Variants in MACROD2 observed in about 807,000 individuals in gnomAD.
The protein encoded by MACROD2 is mono-ADP ribosylhydrolase 2.
Under a neutral mutation model 70.4 loss-of-function variants are expected in MACROD2, and 36 were observed. The observed-to-expected ratio is 0.51, with a 90% CI of 0.39 to 0.68. The LOEUF is 0.68. Ranked by LOEUF, MACROD2 falls within the 30% of genes least tolerant of loss-of-function variation. The probability of loss-of-function intolerance (pLI) is 0.00; values close to 1 mark genes in which losing one functional copy is unlikely to be tolerated. For missense variants in MACROD2, 496 were observed against 538.4 expected, an observed-to-expected ratio of 0.92 and a Z score of 0.78; for synonymous variants, 172 against 178.8, an observed-to-expected ratio of 0.96 and a Z score of 0.30.
intron 8 of MACROD2, among the ~76,000 whole-genome samples, chr20:15,719,321 G>T (rs560588470): frequency 2.0e-5 from 3 of 152,182 alleles, no homozygotes; most frequent in Non-Finnish European, 4.4e-5. Context: ...CTCTAAGAAG[G>T]TACTGCAGCA....
intron 5 of MACROD2, among the ~76,000 whole-genome samples, chr20:15,182,689 A>T (rs2076508770): frequency 6.6e-6 from 1 of 152,182 alleles, no homozygotes; most frequent in Non-Finnish European, 1.5e-5. Flanking sequence ...TTTGCCGTGG[A>T]GAAAAACTGG....
chr20:14,829,874 T>G (rs2122232037), intron 5 of MACROD2, among the ~76,000 whole-genome samples: 1 of 152,318 alleles, frequency 6.6e-6, no homozygotes, highest in South Asian at 2.1e-4. Flanking sequence ...AATGTGCTTT[T>G]TATTGTATAA....
intron 8 of MACROD2, among the ~76,000 whole-genome samples, chr20:15,523,438 G>A (rs1383667998): frequency 1.3e-5 from 2 of 152,200 alleles, no homozygotes; most frequent in African/African-American, 2.4e-5. Context: ...CCTAGTCTGG[G>A]TCAGACAAAG....
intron 6 of MACROD2, among the ~76,000 whole-genome samples, chr20:15,304,834 G>A (rs1169419037): frequency 6.6e-6 from 1 of 152,342 alleles, no homozygotes; most frequent in East Asian, 1.9e-4. Context: ...ATTTGCATCA[G>A]GAATAAAAAC....
chr20:14,566,550 A>C (rs187109131), intron 4 of MACROD2: 1 of 151,740 alleles, frequency 6.6e-6, no homozygotes, highest in Non-Finnish European at 1.5e-5. Flanking sequence ...AACAAGATAC[A>C]TTTTTCAACC....
At chr20:15,217,535 TC>T (rs770530071) in intron 5 of MACROD2, among the ~76,000 whole-genome samples, 6 of 152,248 alleles carry the variant, frequency 3.9e-5, no homozygotes, top group Admixed American at 3.3e-4. Flanking sequence ...ATTCTATTGA[TC>T]TTTTTTTTCT....
At chr20:15,247,598 C>A (rs533608483) in intron 6 of MACROD2, among the ~76,000 whole-genome samples, 1 of 152,286 alleles carries the variant, frequency 6.6e-6, no homozygotes, top group East Asian at 1.9e-4. Flanking sequence ...TCTTCCTAGG[C>A]TGCGAAACCC....
intron 5 of MACROD2, among the ~76,000 whole-genome samples, chr20:15,200,679 TTCAGAGACTAAATC>T: frequency 6.6e-6 from 1 of 152,216 alleles, no homozygotes; most frequent in East Asian, 1.9e-4. Flanking sequence ...CGATTTGTAG[TTCAGAGACTAAATC>T]TATGAGATTT....
chr20:15,263,356 T>G (rs766276976), intron 6 of MACROD2, among the ~76,000 whole-genome samples: 1 of 152,056 alleles, frequency 6.6e-6, no homozygotes, highest in Non-Finnish European at 1.5e-5. Context: ...TATAGATTTG[T>G]TTTTGGTTCT....
intron 3 of MACROD2, among the ~76,000 whole-genome samples, chr20:14,386,201 G>A (rs959993301): frequency 3.9e-5 from 6 of 152,090 alleles, no homozygotes; most frequent in African/African-American, 1.4e-4. Context: ...AGGAAGTGGT[G>A]GTTTAATGAT....
chr20:14,899,255 G>C (rs1213636873), intron 5 of MACROD2, among the ~76,000 whole-genome samples: 1 of 152,122 alleles, frequency 6.6e-6, no homozygotes, highest in Admixed American at 6.6e-5. Context: ...TGCTTTTTTA[G>C]TGAATAAATA....
chr20:16,021,305 A>T (rs1036039763), intron 15 of MACROD2, among the ~76,000 whole-genome samples: 2 of 152,184 alleles, frequency 1.3e-5, no homozygotes, highest in African/African-American at 4.8e-5. Flanking sequence ...AGTGACTGCC[A>T]TCTCTCCCTC....
At chr20:15,583,154 C>T (rs1044803104) in intron 8 of MACROD2, among the ~76,000 whole-genome samples, 1 of 152,142 alleles carries the variant, frequency 6.6e-6, no homozygotes, top group Admixed American at 6.5e-5. Context: ...CCAGTGCCAT[C>T]CCCTTCCTAA....
At chr20:14,158,940 A>G (rs537394495) in intron 3 of MACROD2, among the ~76,000 whole-genome samples, 27 of 152,126 alleles carry the variant, frequency 1.8e-4, no homozygotes, top group African/African-American at 6.5e-4. Context: ...TTCTATTTCT[A>G]TGAAAAATAA....
At chr20:14,026,941 A>G (rs2053176087) in intron 2 of MACROD2, among the ~76,000 whole-genome samples, 1 of 152,188 alleles carries the variant, frequency 6.6e-6, no homozygotes, top group African/African-American at 2.4e-5. Flanking sequence ...CACAGCGCTC[A>G]CGCTCTGCTA....
At chr20:14,338,678 A>G (rs921691535) in intron 3 of MACROD2, among the ~76,000 whole-genome samples, 3 of 152,204 alleles carry the variant, frequency 2.0e-5, no homozygotes, top group African/African-American at 7.2e-5. Context: ...ACATCTTAAG[A>G]AAAAAATCTT....
At chr20:15,374,133 G>A (rs1409056151) in intron 6 of MACROD2, among the ~76,000 whole-genome samples, 1 of 151,772 alleles carries the variant, frequency 6.6e-6, no homozygotes, top group Non-Finnish European at 1.5e-5. Flanking sequence ...ATAAAATCTT[G>A]CAAAAGCTTC....
At chr20:14,469,172 C>T (rs1340238383) in intron 3 of MACROD2, among the ~76,000 whole-genome samples, 2 of 151,206 alleles carry the variant, frequency 1.3e-5, no homozygotes, top group African/African-American at 4.9e-5. Context: ...GATTTTTTTT[C>T]TCCTTTGCTT....
chr20:15,197,488 A>G (rs190030486), intron 5 of MACROD2, among the ~76,000 whole-genome samples: 250 of 152,302 alleles, frequency 1.6e-3, no homozygotes, highest in South Asian at 0.016. Flanking sequence ...ATCGAGACAT[A>G]TAAGCCTTTC....
Sources: gnomAD v4.1 joint callset for allele counts (sites outside exome capture counted in the v4.1 genomes callset) on GRCh38, gnomAD v4.1.1 for gene constraint, MANE v1.5 for transcripts, NCBI Gene and HGNC (gene_info 2026-07-23, HGNC 2026-07-21) for gene names.